EYS: variants seen among roughly 807,000 people sequenced by gnomAD.
EYS encodes the protein protein eyes shut homolog.
Under a neutral mutation model 282.1 loss-of-function variants are expected in EYS, and 250 were observed. The ratio of observed to expected loss-of-function variants is 0.89; its 90% CI spans 0.80 to 0.98. The LOEUF (loss-of-function observed/expected upper bound fraction) is 0.98. Among genes scored for constraint, EYS ranks in the 50% least tolerant of loss-of-function variants. The probability of loss-of-function intolerance (pLI) is 0.00; values close to 1 mark genes in which losing one functional copy is unlikely to be tolerated. For missense variants in EYS, 4,016 were observed against 3,709.0 expected (o/e 1.08, Z -2.15); for synonymous variants, 1,355 against 1,282.9 (o/e 1.06, Z -1.20).
At position 63,841,932 on chromosome 6, in the gene EYS, C is replaced by T. The variant is rs1035375642; in HGVS notation, c.7228+22254G>A. On this transcript the variant is annotated intron_variant, in intron 36 of 42. Coordinates refer to ENST00000503581, the MANE Select transcript of EYS (RefSeq NM_001142800.2). ...GCTTCATCTATGTCCTTGCAAAGGA[C>T]ATGAACTCATTCTTTTTTTATGGCT... Among the ~76,000 whole-genome samples, 141 of 152,182 alleles carry T rather than the reference C, an allele frequency of 9.3e-4. 9 individuals carry two copies. The highest frequency in any genetic ancestry group is 4.1e-4 in the South Asian group (2 of 4,834).
chr6:64,214,296 T>C (rs113241462), intron 31 of EYS, among the ~76,000 whole-genome samples: 4,127 of 152,276 alleles, frequency 0.027, 59 homozygotes, highest in African/African-American at 0.043. Flanking sequence ...TAAGTGGCTC[T>C]TTTGCATTTT....
chr6:63,789,121 G>A lies in EYS; in HGVS notation c.7515C>T (p.Leu2505=), dbSNP rs1464867905. 6.4e-7 allele frequency: 1 copy of A among 1,551,676 alleles called. No individual in the cohort carries two copies. ...CAGTGTGGACTCCAAGGCTCAGATTGAGGGGCTCGCTCCTGATGCTTGCTA... is the reference window on the plus strand; with the variant it reads ...CAGTGTGGACTCCAAGGCTCAGATTAAGGGGCTCGCTCCTGATGCTTGCTA... ...SGIASIRSEP[L]NLSLGVHTVH... Residue 2505 remains leucine, a synonymous_variant, in exon 38 of 43, where the codon CTC becomes CTT. Transcript: ENST00000503581.
intron 2 of EYS, among the ~76,000 whole-genome samples, chr6:65,615,940 GAA>G (rs1174540657): frequency 3.4e-5 from 1 of 29,066 alleles, no homozygotes; most frequent in Non-Finnish European, 5.9e-5. Flanking sequence ...TCTCAAAAAA[GAA>G]AAAAAAAAGA....
intron 31 of EYS, among the ~76,000 whole-genome samples, chr6:64,147,066 C>T (rs1453375340): frequency 6.6e-6 from 1 of 152,036 alleles, no homozygotes; most frequent in African/African-American, 2.4e-5. Flanking sequence ...GGGAGATCTT[C>T]TAAGTCAATG....
At chr6:65,238,342 A>T in intron 12 of EYS, among the ~76,000 whole-genome samples, 1 of 151,472 alleles carries the variant, frequency 6.6e-6, no homozygotes. Flanking sequence ...ATCCATTTTC[A>T]ATTAATATTT....
chr6:64,017,149 A>T (rs935226850), intron 33 of EYS, among the ~76,000 whole-genome samples: 5 of 151,826 alleles, frequency 3.3e-5, no homozygotes, highest in South Asian at 2.1e-4. Flanking sequence ...ATCTGTTGAG[A>T]CCCCACAAAC....
intron 40 of EYS, among the ~76,000 whole-genome samples, chr6:63,775,073 C>T (rs543350463): frequency 6.6e-5 from 10 of 152,160 alleles, no homozygotes; most frequent in African/African-American, 2.4e-4. Flanking sequence ...AGAACTCATC[C>T]CAGGAGCATA....
At chr6:64,076,067 A>G (rs1489024662) in intron 32 of EYS, among the ~76,000 whole-genome samples, 17 of 152,092 alleles carry the variant, frequency 1.1e-4, no homozygotes, top group Admixed American at 9.9e-4. Context: ...TCTACTTCAA[A>G]TATCTATTTC....
intron 35 of EYS, among the ~76,000 whole-genome samples, chr6:63,982,646 G>C (rs1767152625): frequency 6.6e-6 from 1 of 151,718 alleles, no homozygotes; most frequent in African/African-American, 2.4e-5. Context: ...TCTAATCCTG[G>C]AAGTGATGTC....
chr6:64,178,939 T>C (rs1374368684), intron 31 of EYS, among the ~76,000 whole-genome samples: 1 of 151,890 alleles, frequency 6.6e-6, no homozygotes, highest in Non-Finnish European at 1.5e-5. Flanking sequence ...CTTACTTTTC[T>C]GCTTGCCTTG....
chr6:65,567,671 T>C (rs1473980947), intron 2 of EYS, among the ~76,000 whole-genome samples: 1 of 152,172 alleles, frequency 6.6e-6, no homozygotes, highest in Non-Finnish European at 1.5e-5. Context: ...GGTGAAGTTA[T>C]ATGTTAACCT....
chr6:63,751,396 G>T (rs909373462), intron 41 of EYS, among the ~76,000 whole-genome samples: 6 of 152,152 alleles, frequency 3.9e-5, no homozygotes, highest in African/African-American at 1.4e-4. Context: ...AAAGAGGTAA[G>T]AATAATTTAA....
intron 22 of EYS, among the ~76,000 whole-genome samples, chr6:64,633,986 C>CTTTG (rs888423821): frequency 6.6e-6 from 1 of 152,018 alleles, no homozygotes; most frequent in Non-Finnish European, 1.5e-5. Context: ...GTGTTTGTTT[C>CTTTG]TTTGTTTGTT....
intron 26 of EYS, among the ~76,000 whole-genome samples, chr6:64,534,700 A>C (rs916562982): frequency 6.6e-6 from 1 of 152,092 alleles, no homozygotes; most frequent in East Asian, 1.9e-4. Context: ...GTTCCAATTA[A>C]TTATTTTGCA....
At chr6:65,406,045 G>A (rs550833242) in intron 5 of EYS, among the ~76,000 whole-genome samples, 122 of 152,102 alleles carry the variant, frequency 8.0e-4, no homozygotes, top group Admixed American at 1.5e-3. Flanking sequence ...CCAGTGATGT[G>A]TCAGATTTAT....
rs543348232 is a variant in EYS at position 65,213,287 on chromosome 6, C to T, written c.2023+82576G>A. 5.5e-4 allele frequency among the ~76,000 whole-genome samples: 84 copies of T among 152,294 alleles called. 1 individual carries two copies. In the South Asian group the frequency reaches 0.017, roughly 30 times the overall value. On this transcript the variant is annotated intron_variant, in intron 12 of 42. Coordinates refer to ENST00000503581, the MANE Select transcript of EYS (RefSeq NM_001142800.2). ...CTCTGCTGGAGGCTTTTAGCTGAAT[C>T]CCAGCGGTGACCTTCAAAGTTGTTT... is the stretch of plus-strand genomic sequence containing the variant.
At chr6:63,821,315 C>G (rs1156657717) in intron 36 of EYS, 3 of 151,874 alleles carry the variant, frequency 2.0e-5, no homozygotes, top group Non-Finnish European at 4.4e-5. Context: ...AACAACACAT[C>G]AAAGTGAGGG....
chr6:65,194,158 A>G (rs1765708920), intron 12 of EYS, among the ~76,000 whole-genome samples: 1 of 151,940 alleles, frequency 6.6e-6, no homozygotes, highest in South Asian at 2.1e-4. Flanking sequence ...GTTGAAATGT[A>G]TTCTTTAAGT....
chr6:64,608,437 A>G (rs749305070), intron 24 of EYS, among the ~76,000 whole-genome samples: 2 of 152,204 alleles, frequency 1.3e-5, no homozygotes, highest in Non-Finnish European at 2.9e-5. Context: ...TGCTATGAAG[A>G]CAAATTATAA....
Sources: gnomAD v4.1 joint callset for allele counts (sites outside exome capture counted in the v4.1 genomes callset) on GRCh38, gnomAD v4.1.1 for gene constraint, MANE v1.5 for transcripts, NCBI Gene and HGNC (gene_info 2026-07-23, HGNC 2026-07-21) for gene names.